SYCP2: variants seen among roughly 807,000 people sequenced by gnomAD.
SYCP2 encodes synaptonemal complex protein 2.
In SYCP2, 55 loss-of-function variants were observed where a neutral mutation model predicts 211.3. The observed-to-expected ratio is 0.26, with a 90% CI of 0.21 to 0.33. The LOEUF is 0.33. Ranked by LOEUF, SYCP2 falls within the 10% of genes least tolerant of loss-of-function variation. The pLI is 1.00. For missense variants in SYCP2, 1,731 were observed against 1,752.0 expected, an observed-to-expected ratio of 0.99 and a Z score of 0.21; for synonymous variants, 570 against 555.2, an observed-to-expected ratio of 1.03 and a Z score of -0.37.
Position 59,864,164 on chromosome 20 carries a change from G to A in SYCP2, c.*147C>T. The A allele has an allele frequency of 1.9e-6, 1 of 513,804 alleles. No individual in the cohort carries two copies. The highest frequency in any genetic ancestry group is 3.4e-6 in the Non-Finnish European group (1 of 295,986). The allele number at this position is 513,804 out of a possible 1,614,324, so 31.8% of individuals were successfully genotyped here. A position where few individuals can be genotyped will look rare whatever the true frequency, so the allele number is the denominator to read the frequency against. On this transcript the variant is annotated 3_prime_UTR_variant, in exon 45 of 45. Transcript: ENST00000357552. ...AGTGGTTCCCTCTCATCCATTAAAAGACATTTTTTTTTAATTTGAGGGTTC... is the reference window on the plus strand; with the variant it reads ...AGTGGTTCCCTCTCATCCATTAAAAAACATTTTTTTTTAATTTGAGGGTTC...
Position 59,880,361 on chromosome 20 carries a change from T to C in SYCP2, c.2883A>G (p.Pro961=). 2 of 1,600,656 alleles carry C rather than the reference T, an allele frequency of 1.2e-6. No individual in the cohort carries two copies. Among genetic ancestry groups the C allele is most frequent in the South Asian group, 1.1e-5 (1 of 89,802 alleles). ...ISWLREPKSK[P]QLIDYSRNKN... ...TATTTCTGCTATAGTCTATTAGCTG[T>C]GGTTTTGATTTCGGTTCTCTTAGCC... The change falls in exon 31 of 45, where the codon CCA becomes CCG. Residue 961 remains proline, a synonymous_variant. Coordinates refer to ENST00000357552, the MANE Select transcript of SYCP2 (RefSeq NM_014258.4).
chr20:59,898,089 C>T (rs1600898362), intron 18 of SYCP2, among the ~76,000 whole-genome samples: 1 of 152,194 alleles, frequency 6.6e-6, no homozygotes, highest in Non-Finnish European at 1.5e-5. Context: ...CACTGCACTC[C>T]AGCCTGTGTG....
chr20:59,868,636 T>C (rs2145598643), intron 37 of SYCP2, 68 bp from the exon 38 acceptor site: 1 of 1,482,174 alleles, frequency 6.7e-7, no homozygotes, highest in Non-Finnish European at 9.0e-7. Context: ...ATTTTCTTGC[T>C]TTTATTTTAA....
intron 2 of SYCP2, among the ~76,000 whole-genome samples, chr20:59,929,747 A>G (rs1006619037): frequency 2.6e-5 from 4 of 152,162 alleles, no homozygotes; most frequent in African/African-American, 4.8e-5. Flanking sequence ...TTTATTAAAG[A>G]AGGATACAAA....
chr20:59,880,065 A>G (rs190943186), intron 31 of SYCP2, among the ~76,000 whole-genome samples: 80 of 151,268 alleles, frequency 5.3e-4, no homozygotes, highest in African/African-American at 1.9e-3. Flanking sequence ...CAAGTGACGA[A>G]AATCATGAGC....
rs184082257 is a variant in SYCP2, at chr20:59,887,186, G to T, written c.2365-352C>A. On this transcript the variant is annotated intron_variant, in intron 24 of 44. Coordinates refer to ENST00000357552, the MANE Select transcript of SYCP2 (RefSeq NM_014258.4). The stretch of plus-strand genomic sequence containing the variant: ...CCCACGACAGGCCCCAGTGTGTGAT[G>T]TTCCCCTTCCTGTGTCCAAGTGTTC... Among the ~76,000 whole-genome samples, 1,348 of 150,832 alleles carry T rather than the reference G, an allele frequency of 8.9e-3. 17 individuals are homozygous for T. Among genetic ancestry groups the T allele is most frequent in the Non-Finnish European group, 0.014 (966 of 67,766 alleles).
At position 59,868,825 on chromosome 20, in the gene SYCP2, G is replaced by T. The variant is rs375417197; in HGVS notation, c.3832+10C>A. The T allele has an allele frequency of 1.1e-4, 177 of 1,587,518 alleles. 1 individual carries two copies. The highest frequency in any genetic ancestry group is 1.4e-4 in the Non-Finnish European group (162 of 1,169,178). On this transcript the variant is annotated intron_variant, in intron 37 of 44. Transcript: ENST00000357552. ...ATCATTTTTTAAAAAGCAAGACTATGACTACAAACCTGATACATGAGTAGC... is the reference window on the plus strand; with the variant it reads ...ATCATTTTTTAAAAAGCAAGACTATTACTACAAACCTGATACATGAGTAGC...
At chr20:59,932,874 A>C (rs1011750237) in intron 1 of SYCP2, among the ~76,000 whole-genome samples, 10 of 152,090 alleles carry the variant, frequency 6.6e-5, no homozygotes, top group African/African-American at 1.9e-4. Flanking sequence ...CGGGAGGGAG[A>C]GAAGGGACTG....
intron 19 of SYCP2, 72 bp from the exon 20 acceptor site, chr20:59,895,669 G>A (rs1260102036): frequency 6.5e-7 from 1 of 1,538,790 alleles, no homozygotes; most frequent in Non-Finnish European, 8.9e-7. Flanking sequence ...CTTTTCCAAT[G>A]AGAAAGGTAA....
intron 2 of SYCP2, among the ~76,000 whole-genome samples, chr20:59,922,736 AAGAATAACCTGG>A (rs2060564746): frequency 6.6e-6 from 1 of 151,788 alleles, no homozygotes; most frequent in Admixed American, 6.6e-5. Context: ...TAGTTAGTGA[AAGAATAACCTGG>A]ATCTCCCTTT....
chr20:59,900,475 A>G (rs1568952437), intron 17 of SYCP2, among the ~76,000 whole-genome samples, 191 bp from the exon 18 acceptor site: 2 of 152,156 alleles, frequency 1.3e-5, no homozygotes, highest in South Asian at 2.1e-4. Flanking sequence ...TAATAGACAT[A>G]AAAGAAGCTT....
intron 22 of SYCP2, among the ~76,000 whole-genome samples, 185 bp from the exon 23 acceptor site, chr20:59,892,886 T>TAA (rs549640674): frequency 5.4e-4 from 82 of 152,090 alleles, no homozygotes; most frequent in African/African-American, 1.9e-3. Flanking sequence ...TTCTACATAT[T>TAA]GTTATATTTC....
In SYCP2 at chr20:59,886,846, T is replaced by A; in HGVS notation, c.2365-12A>T. ...TTTGACTTTTCTCTCTGAAAAAAATTGTAAGTTACTTTTAAACTCTACCAG... is the reference window on the plus strand; with the variant it reads ...TTTGACTTTTCTCTCTGAAAAAAATAGTAAGTTACTTTTAAACTCTACCAG... On this transcript the variant is annotated splice_polypyrimidine_tract_variant and intron_variant, in intron 24 of 44. Transcript: ENST00000357552. The A allele has an allele frequency of 6.4e-7, 1 of 1,560,324 alleles. No individual in the cohort carries two copies. Among genetic ancestry groups the A allele is most frequent in the Non-Finnish European group, 8.6e-7 (1 of 1,161,452 alleles).
intron 20 of SYCP2, among the ~76,000 whole-genome samples, chr20:59,894,201 G>A (rs1318861459): frequency 2.6e-5 from 4 of 151,944 alleles, no homozygotes; most frequent in South Asian, 4.2e-4. Context: ...CCTCATCCTG[G>A]CTGCCTTTCC....
At position 59,864,203 on chromosome 20, in the gene SYCP2, A is replaced by C; in HGVS notation, c.*108T>G. Reference sequence around the variant, plus strand: ...ATTTGAGGGTTCCTATAAAGGGTACACTTGCTTCGGTGACATGTATATTTT... The same window carrying C: ...ATTTGAGGGTTCCTATAAAGGGTACCCTTGCTTCGGTGACATGTATATTTT... On this transcript the variant is annotated 3_prime_UTR_variant, in exon 45 of 45. Transcript: ENST00000357552. 1.3e-6 allele frequency: 1 copy of C among 765,998 alleles called. No individual in the cohort carries two copies. The highest frequency in any genetic ancestry group is 2.1e-6 in the Non-Finnish European group (1 of 486,058). The allele number at this position is 765,998 out of a possible 1,614,324, so 47.5% of individuals were successfully genotyped here.
rs568834647 is a variant in SYCP2, at chr20:59,925,152, G to C, written c.-46-2693C>G. Among the ~76,000 whole-genome samples the C allele has an allele frequency of 5.3e-5, 8 of 152,098 alleles. No homozygotes were observed. In the East Asian group the frequency reaches 1.5e-3, roughly 29 times the overall value. ...GATAAGTTGGACAACCTTAAAATCA[G>C]AAACTCTTGTTCAATGAGAACACAT... On this transcript the variant is annotated intron_variant, in intron 2 of 44. Transcript: ENST00000357552.
intron 15 of SYCP2, among the ~76,000 whole-genome samples, chr20:59,903,043 C>A (rs545435125): frequency 6.6e-6 from 1 of 152,094 alleles, no homozygotes; most frequent in Non-Finnish European, 1.5e-5. Flanking sequence ...CTTGCTTGCA[C>A]ATGGTATTAG....
At chr20:59,906,580 A>G (rs114188974) in intron 15 of SYCP2, among the ~76,000 whole-genome samples, 2,086 of 152,254 alleles carry the variant, frequency 0.014, 58 homozygotes, top group African/African-American at 0.048. Context: ...CATAAAAGCT[A>G]AAACTATAAA....
At position 59,866,275 on chromosome 20, in the gene SYCP2, A is replaced by T. The variant is rs186019683; in HGVS notation, c.4320+18T>A. 1.0e-4 allele frequency: 159 copies of T among 1,525,760 alleles called. 1 individual carries two copies. In the African/African-American group the frequency reaches 1.8e-3, roughly 17 times the overall value. The allele number at this position is 1,525,760 out of a possible 1,614,324, so 94.5% of individuals were successfully genotyped here. A position where few individuals can be genotyped will look rare whatever the true frequency, so the allele number is the denominator to read the frequency against. ...ATAAGGTTTTAAACTTATTTAAAAA[A>T]TTTTTAAAGTAACAAACCACAAATT... is the stretch of plus-strand genomic sequence containing the variant. On this transcript the variant is annotated intron_variant, in intron 41 of 44. Transcript: ENST00000357552.
Sources: allele counts gnomAD v4.1 joint callset (sites outside exome capture counted in the v4.1 genomes callset), GRCh38; gene constraint gnomAD v4.1.1; transcripts MANE v1.5; gene names NCBI Gene and HGNC (gene_info 2026-07-23, HGNC 2026-07-21).